Variants in KCNT1 observed in about 807,000 individuals in gnomAD.
KCNT1 encodes the protein potassium channel subfamily T member 1.
A neutral mutation model predicts 147.8 loss-of-function variants in KCNT1; 78 were observed. That is an observed-to-expected ratio of 0.53 (90% confidence interval 0.44 to 0.64). The LOEUF (loss-of-function observed/expected upper bound fraction) is 0.64, where lower values mean the gene tolerates loss of function less well. Among genes scored for constraint, KCNT1 ranks in the 30% least tolerant of loss-of-function variants. The pLI is 0.00. For missense variants in KCNT1, 1,419 were observed against 1,750.3 expected, an observed-to-expected ratio of 0.81 and a Z score of 3.38; for synonymous variants, 867 against 748.8, an observed-to-expected ratio of 1.16 and a Z score of -2.58.
Position 135,784,627 on chromosome 9 carries a change from C to A in KCNT1, c.3027+9C>A, listed in dbSNP as rs780134351. The A allele has an allele frequency of 6.2e-7, 1 of 1,611,798 alleles. No individual in the cohort carries two copies. Among genetic ancestry groups the A allele is most frequent in the South Asian group, 1.1e-5 (1 of 91,004 alleles). On this transcript the variant is annotated intron_variant, in intron 26 of 30. Coordinates refer to ENST00000371757, the MANE Select transcript of KCNT1 (RefSeq NM_020822.3). ...CGGGGTACCTCTGTGCCGTAAGTGC[C>A]CCTGGCTGCGCTGGGCTGGGGGCGT... is the stretch of plus-strand genomic sequence containing the variant.
Position 135,775,391 on chromosome 9 carries a change from C to A in KCNT1, c.2325C>A (p.Pro775=). Residue 775 remains proline, a synonymous_variant, in exon 20 of 31, where the codon CCC becomes CCA. Transcript: ENST00000371757. ...TLCHLLPVKA[P]FCCLRLDKGC... ...GCCACCTCCTGCCTGTGAAAGCCCC[C>A]TTCTGCTGCCTGCGGCTGGACAAGG... is the stretch of plus-strand genomic sequence containing the variant. 6.2e-7 allele frequency: 1 copy of A among 1,610,846 alleles called. No homozygotes were observed. Among genetic ancestry groups the A allele is most frequent in the Non-Finnish European group, 8.5e-7 (1 of 1,178,418 alleles).
At chr9:135,743,370 G>A (rs554713195) in intron 2 of KCNT1, among the ~76,000 whole-genome samples, 8 of 152,304 alleles carry the variant, frequency 5.3e-5, no homozygotes, top group South Asian at 4.2e-4. Flanking sequence ...CACCTTCAGC[G>A]CGGTCTCCAG....
At chr9:135,753,321 G>A (rs945208885) in intron 4 of KCNT1, among the ~76,000 whole-genome samples, 10 of 152,212 alleles carry the variant, frequency 6.6e-5, no homozygotes, top group African/African-American at 2.4e-4. Context: ...GGTCTCCTTG[G>A]TCAGTGACCC....
At chr9:135,706,620 A>G (rs1383909679) in intron 1 of KCNT1, among the ~76,000 whole-genome samples, 3 of 152,210 alleles carry the variant, frequency 2.0e-5, no homozygotes, top group Non-Finnish European at 4.4e-5. Flanking sequence ...GCACTCCACA[A>G]GAGGGGCAAA....
At chr9:135,725,875 G>C (rs904582973) in intron 2 of KCNT1, among the ~76,000 whole-genome samples, 3 of 152,188 alleles carry the variant, frequency 2.0e-5, no homozygotes, top group Non-Finnish European at 4.4e-5. Flanking sequence ...TGCCGGAAAA[G>C]AGGCCCCCTC....
intron 17 of KCNT1, among the ~76,000 whole-genome samples, 185 bp from the exon 18 acceptor site, chr9:135,770,672 C>T (rs1468736055): frequency 6.6e-6 from 1 of 152,192 alleles, no homozygotes; most frequent in African/African-American, 2.4e-5. Flanking sequence ...GGGCTGACCC[C>T]AGCTCTCTGG....
chr9:135,702,434 C>T, intron 1 of KCNT1, 66 bp downstream of exon 1: 2 of 1,298,328 alleles, frequency 1.5e-6, no homozygotes, highest in South Asian at 1.2e-5. Context: ...CCAAGTTCCC[C>T]CTCAGGCTCC....
At chr9:135,772,242 C>T (rs1283011129) in intron 18 of KCNT1, among the ~76,000 whole-genome samples, 2 of 152,194 alleles carry the variant, frequency 1.3e-5, no homozygotes, top group African/African-American at 2.4e-5. Context: ...CCCACAGAGG[C>T]CCTGGGCCAT....
intron 18 of KCNT1, among the ~76,000 whole-genome samples, chr9:135,772,072 C>T (rs1281082790): frequency 2.0e-5 from 3 of 152,214 alleles, no homozygotes; most frequent in Non-Finnish European, 4.4e-5. Flanking sequence ...TCCCGGCCGC[C>T]GTCTACGGCA....
chr9:135,744,395 G>A (rs963318126), intron 2 of KCNT1, among the ~76,000 whole-genome samples: 15 of 152,362 alleles, frequency 9.8e-5, no homozygotes, highest in East Asian at 5.8e-4. Flanking sequence ...GAGCAGTGGC[G>A]TGAGCCCCTG....
intron 13 of KCNT1, 39 bp from the exon 14 acceptor site, chr9:135,768,571 C>G (rs1050849389): frequency 7.8e-6 from 12 of 1,533,050 alleles, no homozygotes; most frequent in Non-Finnish European, 1.1e-5. Context: ...CTGCCCACCT[C>G]CCCTGCTCCA....
intron 2 of KCNT1, among the ~76,000 whole-genome samples, chr9:135,720,475 T>TAAGTGCCCTCCTCCTGCCCAGC: frequency 6.6e-6 from 1 of 152,154 alleles, no homozygotes; most frequent in East Asian, 1.9e-4. Flanking sequence ...TGGGATTGCA[T>TAAGTGCCCTCCTCCTGCCCAGC]AAGTGCCCTC....
At chr9:135,746,031 C>T (rs80149361) in intron 2 of KCNT1, among the ~76,000 whole-genome samples, 5,428 of 152,334 alleles carry the variant, frequency 0.036, 327 homozygotes, top group East Asian at 0.26. Flanking sequence ...GGTGCCGCTG[C>T]GTGACTCGTG....
intron 2 of KCNT1, among the ~76,000 whole-genome samples, chr9:135,731,654 A>C (rs1416874908): frequency 1.3e-5 from 2 of 152,002 alleles, no homozygotes; most frequent in Admixed American, 6.6e-5. Flanking sequence ...CTCGAGTGAC[A>C]TTTTGGCTGG....
chr9:135,770,322 G>C lies in KCNT1; in HGVS notation c.1644G>C (p.Gln548His). ...GGGAGGGACAGGAGTCTCCGGAGCA[G>C]TGGCAGCGCATGTATGGGCGCTGCT... The part of the protein sequence containing the change: ...RGQEGQESPE[Q>H]WQRMYGRCSG... Residue 548 changes from glutamine (Q) to histidine (H), a missense_variant, in exon 17 of 31, where the codon CAG (glutamine) becomes CAC (histidine). Transcript: ENST00000371757. The C allele has an allele frequency of 6.2e-7, 1 of 1,609,372 alleles. No homozygotes were observed. Among genetic ancestry groups the C allele is most frequent in the Non-Finnish European group, 8.5e-7 (1 of 1,177,818 alleles).
chr9:135,750,632 G>A, intron 3 of KCNT1: 1 of 514,422 alleles, frequency 1.9e-6, no homozygotes, highest in South Asian at 2.4e-5. Flanking sequence ...TTCCCCAGGG[G>A]CTCCACATTC....
At position 135,792,495 on chromosome 9, in the gene KCNT1, C is replaced by T. The variant is rs1834613985; in HGVS notation, c.*334C>T. 3 of 236,606 alleles carry T rather than the reference C, an allele frequency of 1.3e-5. No individual in the cohort carries two copies. Among genetic ancestry groups the T allele is most frequent in the South Asian group, 5.3e-5 (1 of 18,854 alleles). 14.7% of individuals were successfully genotyped at this position (236,606 alleles called of 1,614,324 possible). The stretch of plus-strand genomic sequence containing the variant: ...GACGCCCTACAGGGCCGAGCCCAGG[C>T]TGTGCTGGAGGGTGGGGCTGGGGTG... On this transcript the variant is annotated 3_prime_UTR_variant, in exon 31 of 31. Transcript: ENST00000371757.
In KCNT1 at chr9:135,742,841, C is replaced by A. The variant is rs965280254; in HGVS notation, c.255-7257C>A. 4.2e-6 allele frequency: 3 copies of A among 716,896 alleles called. No individual in the cohort carries two copies. In the African/African-American group the frequency reaches 5.2e-5, roughly 13 times the overall value. 44.4% of individuals were successfully genotyped at this position (716,896 alleles called of 1,614,324 possible). A position where few individuals can be genotyped will look rare whatever the true frequency, so the allele number is the denominator to read the frequency against. On this transcript the variant is annotated intron_variant, in intron 2 of 30. Transcript: ENST00000371757. ...AAGTGCTTTGCAAGGGAGGAACTGTCTTGGTGGCAGACAAGGGCTCTTAGA... is the reference window on the plus strand; with the variant it reads ...AAGTGCTTTGCAAGGGAGGAACTGTATTGGTGGCAGACAAGGGCTCTTAGA...
chr9:135,715,496 C>A (rs964536969), intron 2 of KCNT1, among the ~76,000 whole-genome samples: 3 of 150,600 alleles, frequency 2.0e-5, no homozygotes, highest in African/African-American at 7.3e-5. Flanking sequence ...AGGTCAGGAA[C>A]CGCTCCTCTT....
Sources: allele counts gnomAD v4.1 joint callset (sites outside exome capture counted in the v4.1 genomes callset), GRCh38; gene constraint gnomAD v4.1.1; transcripts MANE v1.5; gene names NCBI Gene and HGNC (gene_info 2026-07-23, HGNC 2026-07-21).